Variants in SMOC1 observed in about 807,000 individuals in gnomAD.
SMOC1 encodes SPARC related modular calcium binding 1.
In SMOC1, 22 loss-of-function variants were observed where a neutral mutation model predicts 56.3. That is an observed-to-expected ratio of 0.39 (90% CI 0.28 to 0.56). The LOEUF is 0.56. Among genes scored for constraint, SMOC1 ranks in the 20% least tolerant of loss-of-function variants. SMOC1 has a pLI of 0.61. For missense variants in SMOC1, 509 were observed against 565.4 expected (o/e 0.90, Z 1.01); for synonymous variants, 193 against 215.0 (o/e 0.90, Z 0.89).
chr14:69,989,246 G>T (rs1474938688), intron 5 of SMOC1, among the ~76,000 whole-genome samples: 1 of 152,160 alleles, frequency 6.6e-6, no homozygotes, highest in Non-Finnish European at 1.5e-5. Flanking sequence ...CTGTTTAGAA[G>T]TATCTTGTTG....
chr14:70,021,017 C>T (rs1052125754), intron 10 of SMOC1, among the ~76,000 whole-genome samples: 1 of 152,194 alleles, frequency 6.6e-6, no homozygotes, highest in Non-Finnish European at 1.5e-5. Context: ...CCCTTCCCGT[C>T]TCAGTGACTG....
intron 7 of SMOC1, among the ~76,000 whole-genome samples, chr14:70,006,188 A>T (rs566042506): frequency 3.9e-5 from 6 of 152,292 alleles, no homozygotes; most frequent in Admixed American, 3.9e-4. Context: ...TAGTTCTGTG[A>T]TCTTGATCCA....
intron 11 of SMOC1, among the ~76,000 whole-genome samples, chr14:70,027,410 G>C (rs1885969291): frequency 6.6e-6 from 1 of 152,104 alleles, no homozygotes; most frequent in African/African-American, 2.4e-5. Flanking sequence ...AGGGGGAGCA[G>C]ACCAGCCTGG....
At chr14:69,932,198 G>A (rs1446629766) in intron 1 of SMOC1, among the ~76,000 whole-genome samples, 1 of 152,208 alleles carries the variant, frequency 6.6e-6, no homozygotes, top group African/African-American at 2.4e-5. Context: ...CCACCAGCGG[G>A]GTGCTTTGTT....
Position 69,898,216 on chromosome 14 carries a change from TC to T in SMOC1, c.99+18440del, listed in dbSNP as rs1884147299. 2.0e-5 allele frequency among the ~76,000 whole-genome samples: 3 copies of T among 152,266 alleles called. No individual in the cohort carries two copies. In the South Asian group the frequency reaches 6.2e-4, roughly 32 times the overall value. On this transcript the variant is annotated intron_variant, in intron 1 of 11. Transcript: ENST00000361956. The stretch of plus-strand genomic sequence containing the variant: ...GCTTCTTTCAAGATTTTTTTCTTTA[TC>T]TTTGATTTTTTTTGCAGTTTGAATA...
rs554344984 is a variant in SMOC1 at position 69,996,972 on chromosome 14, G to A, written c.664+2492G>A. On this transcript the variant is annotated intron_variant, in intron 7 of 11. Coordinates refer to ENST00000361956, the MANE Select transcript of SMOC1 (RefSeq NM_001034852.3). ...ATCACAGCCACAGCCATATATTTGT[G>A]TAGTGTCTGTGACCATTTTCATCTA... 3.3e-4 allele frequency among the ~76,000 whole-genome samples: 51 copies of A among 152,336 alleles called. 3 individuals carry two copies. In the South Asian group the frequency reaches 0.01, roughly 31 times the overall value.
chr14:69,965,127 C>A (rs768838665), intron 3 of SMOC1, among the ~76,000 whole-genome samples: 1 of 152,062 alleles, frequency 6.6e-6, no homozygotes, highest in Non-Finnish European at 1.5e-5. Context: ...CCTGTAATCC[C>A]AGCACTTTGG....
chr14:69,895,929 A>G (rs1162459661), intron 1 of SMOC1, among the ~76,000 whole-genome samples: 1 of 148,144 alleles, frequency 6.8e-6, no homozygotes, highest in African/African-American at 2.5e-5. Flanking sequence ...CAGGGGTGCA[A>G]CTGAACTCTT....
intron 7 of SMOC1, among the ~76,000 whole-genome samples, chr14:69,998,620 A>G (rs568956928): frequency 2.2e-4 from 33 of 152,220 alleles, no homozygotes; most frequent in African/African-American, 7.7e-4. Context: ...GCACTTTCCT[A>G]TGGCTCTGAT....
intron 1 of SMOC1, among the ~76,000 whole-genome samples, chr14:69,939,457 G>C (rs779953587): frequency 6.6e-6 from 1 of 152,216 alleles, no homozygotes; most frequent in Non-Finnish European, 1.5e-5. Flanking sequence ...TACAAGTCAA[G>C]ATGAGATTTG....
At chr14:69,974,236 G>A (rs965715256) in intron 3 of SMOC1, among the ~76,000 whole-genome samples, 4 of 152,162 alleles carry the variant, frequency 2.6e-5, no homozygotes, top group African/African-American at 4.8e-5. Context: ...AGTGATAAGG[G>A]CTGTGATTTT....
chr14:69,902,703 C>G (rs1349728806), intron 1 of SMOC1, among the ~76,000 whole-genome samples: 1 of 152,242 alleles, frequency 6.6e-6, no homozygotes, highest in African/African-American at 2.4e-5. Flanking sequence ...TCTCTGCTCA[C>G]TGCAACCTCC....
chr14:70,021,721 C>T (rs887270340), intron 10 of SMOC1, among the ~76,000 whole-genome samples: 7 of 151,994 alleles, frequency 4.6e-5, no homozygotes, highest in African/African-American at 7.3e-5. Flanking sequence ...TTTTTCCCCC[C>T]GCATAATGGA....
chr14:70,010,258 C>T (rs1885289576), intron 7 of SMOC1, among the ~76,000 whole-genome samples: 1 of 152,254 alleles, frequency 6.6e-6, no homozygotes, highest in African/African-American at 2.4e-5. Flanking sequence ...CCGAGCATCA[C>T]TCCACATGAG....
chr14:69,916,350 C>T (rs149619091), intron 1 of SMOC1, among the ~76,000 whole-genome samples: 3 of 152,380 alleles, frequency 2.0e-5, no homozygotes, highest in Non-Finnish European at 4.4e-5. Flanking sequence ...GTTAGGCTCT[C>T]TCCTCAGGAT....
chr14:69,973,730 C>T (rs564214082), intron 3 of SMOC1, among the ~76,000 whole-genome samples: 6 of 152,298 alleles, frequency 3.9e-5, no homozygotes, highest in South Asian at 2.1e-4. Context: ...CATAGCGAAA[C>T]AACTTGTCTT....
chr14:69,955,313 G>A (rs1027461101), intron 3 of SMOC1, among the ~76,000 whole-genome samples: 16 of 152,070 alleles, frequency 1.1e-4, no homozygotes, highest in African/African-American at 3.6e-4. Context: ...TGCTGCTCCT[G>A]GAGCCGGACA....
Position 69,928,215 on chromosome 14 carries a change from AG to A in SMOC1, c.100-23922del, listed in dbSNP as rs370569218. Among the ~76,000 whole-genome samples, 162 of 152,340 alleles carry A rather than the reference AG, an allele frequency of 1.1e-3. 1 individual carries two copies. The South Asian group carries it at 0.033, about 31-fold the overall frequency. ...TGGTCACTGGCTTGCCAGGCTGGAA[AG>A]CAGGAGGTTGGGCTTACCTTGAGTC... On this transcript the variant is annotated intron_variant, in intron 1 of 11. Coordinates refer to ENST00000361956, the MANE Select transcript of SMOC1 (RefSeq NM_001034852.3).
At chr14:70,020,696 G>A (rs1238809728) in intron 10 of SMOC1, among the ~76,000 whole-genome samples, 1 of 152,144 alleles carries the variant, frequency 6.6e-6, no homozygotes, top group Admixed American at 6.5e-5. Context: ...GCCCTGCACT[G>A]GGAGGCCTTG....
Sources: allele counts gnomAD v4.1 joint callset (sites outside exome capture counted in the v4.1 genomes callset), GRCh38; gene constraint gnomAD v4.1.1; transcripts MANE v1.5; gene names NCBI Gene and HGNC (gene_info 2026-07-23, HGNC 2026-07-21).